Variants in ERBIN observed in about 807,000 individuals in gnomAD.
The protein encoded by ERBIN is erbb2 interacting protein.
In ERBIN, 60 loss-of-function variants were observed where a neutral mutation model predicts 158.4. The ratio of observed to expected loss-of-function variants is 0.38; its 90% CI spans 0.31 to 0.47. The LOEUF is 0.47. Among genes scored for constraint, ERBIN ranks in the 20% least tolerant of loss-of-function variants. The probability of loss-of-function intolerance (pLI) is 0.99; values close to 1 mark genes in which losing one functional copy is unlikely to be tolerated. For synonymous variants in ERBIN, 594 were observed against 557.2 expected (o/e 1.07, Z -0.93); for missense variants, 1,610 against 1,648.0 (o/e 0.98, Z 0.40).
At chr5:66,025,244 T>G in intron 10 of ERBIN, 1 of 473,994 alleles carries the variant, frequency 2.1e-6, no homozygotes. Context: ...TATCAGTATA[T>G]TTTAGTGGGA....
chr5:65,994,617 T>G (rs767562523), intron 3 of ERBIN, 130 bp from the exon 4 acceptor site: 6 of 568,026 alleles, frequency 1.1e-5, no homozygotes, highest in Non-Finnish European at 1.9e-5. Flanking sequence ...ACCAGAACAA[T>G]GAGGCATCTT....
chr5:66,043,891 T>G (rs2151204410), intron 16 of ERBIN, among the ~76,000 whole-genome samples: 1 of 152,324 alleles, frequency 6.6e-6, no homozygotes, highest in South Asian at 2.1e-4. Context: ...ACTATATATC[T>G]CTAAATGGAA....
At chr5:65,930,732 A>G (rs139009006) in intron 1 of ERBIN, among the ~76,000 whole-genome samples, 197 of 152,192 alleles carry the variant, frequency 1.3e-3, no homozygotes, top group Middle Eastern at 0.01. Flanking sequence ...AACCCTCTCT[A>G]CCTTCTTGTT....
intron 25 of ERBIN, among the ~76,000 whole-genome samples, chr5:66,077,747 C>T (rs1264443263): frequency 6.9e-6 from 1 of 145,494 alleles, no homozygotes; most frequent in Non-Finnish European, 1.5e-5. Context: ...TCTTTTTCTC[C>T]CTCCCTCCCT....
rs60768327 is a variant in ERBIN, at chr5:65,997,927, T to TACAC, written c.307+3081_307+3084dup. Among the ~76,000 whole-genome samples the TACAC allele has an allele frequency of 2.8e-3, 416 of 150,312 alleles. 2 individuals carry two copies. Among genetic ancestry groups the TACAC allele is most frequent in the African/African-American group, 7.5e-3 (307 of 41,048 alleles). ...AAAGCTAATTAACCAGGTGTCTGTC[T>TACAC]ACACACACACACACACACACAAAGT... On this transcript the variant is annotated intron_variant, in intron 4 of 25. Coordinates refer to ENST00000284037, the MANE Select transcript of ERBIN (RefSeq NM_001253697.2).
chr5:65,977,400 C>G (rs1316521496), intron 1 of ERBIN, among the ~76,000 whole-genome samples: 3 of 148,566 alleles, frequency 2.0e-5, no homozygotes. Context: ...ACTTCTCAGA[C>G]GGGGCGGCTG....
At chr5:66,078,358 A>G in intron 25 of ERBIN, 65 bp from the exon 26 acceptor site, 5 of 1,003,820 alleles carry the variant, frequency 5.0e-6, no homozygotes, top group Admixed American at 2.6e-5. Context: ...TTTGTGAACT[A>G]CTTGGCAGAA....
chr5:65,970,876 G>A (rs1255249396), intron 1 of ERBIN, among the ~76,000 whole-genome samples: 1 of 152,136 alleles, frequency 6.6e-6, no homozygotes, highest in Non-Finnish European at 1.5e-5. Flanking sequence ...TGGGCTGGGT[G>A]GCTATCATGT....
intron 4 of ERBIN, among the ~76,000 whole-genome samples, chr5:66,007,215 AATG>A (rs562968674): frequency 1.2e-3 from 179 of 152,338 alleles, no homozygotes; most frequent in African/African-American, 4.0e-3. Context: ...AGCCATAAAA[AATG>A]ATGAATTCAT....
At chr5:66,000,056 C>T (rs543640575) in intron 4 of ERBIN, among the ~76,000 whole-genome samples, 1 of 152,098 alleles carries the variant, frequency 6.6e-6, no homozygotes, top group African/African-American at 2.4e-5. Flanking sequence ...GAAGTCATCA[C>T]ATCTACCTTT....
intron 1 of ERBIN, among the ~76,000 whole-genome samples, chr5:65,947,892 A>G (rs534810648): frequency 1.3e-5 from 2 of 152,006 alleles, no homozygotes; most frequent in South Asian, 4.2e-4. Flanking sequence ...CTGTAATCCC[A>G]GCTACTCAGG....
intron 2 of ERBIN, among the ~76,000 whole-genome samples, chr5:65,991,790 CTTTA>C (rs1172831898): frequency 3.3e-5 from 5 of 152,144 alleles, no homozygotes; most frequent in East Asian, 1.9e-4. Flanking sequence ...GAAATCTGTT[CTTTA>C]TTTAAGCAAG....
At chr5:65,997,013 A>AT (rs199996125) in intron 4 of ERBIN, among the ~76,000 whole-genome samples, 6,086 of 152,092 alleles carry the variant, frequency 0.04, 410 homozygotes, top group African/African-American at 0.14. Context: ...TTCTAACAGT[A>AT]TTTTGGTTGG....
intron 1 of ERBIN, among the ~76,000 whole-genome samples, chr5:65,966,703 A>G (rs1485557859): frequency 6.7e-6 from 1 of 148,534 alleles, no homozygotes; most frequent in Non-Finnish European, 1.5e-5. Context: ...AAAAAAAAAA[A>G]AAAAAAGGTA....
At chr5:66,004,401 C>T (rs116662539) in intron 4 of ERBIN, among the ~76,000 whole-genome samples, 2,276 of 151,904 alleles carry the variant, frequency 0.015, 51 homozygotes, top group African/African-American at 0.052. Context: ...CGCGCGCGTG[C>T]GTGTGTGTAT....
chr5:65,947,814 C>G, intron 1 of ERBIN, among the ~76,000 whole-genome samples: 1 of 151,998 alleles, frequency 6.6e-6, no homozygotes, highest in Admixed American at 6.6e-5. Flanking sequence ...TGAAACCAAC[C>G]TGGCCAACAT....
chr5:66,044,340 C>T (rs1373199706), intron 17 of ERBIN, 30 bp downstream of exon 17: 5 of 1,553,714 alleles, frequency 3.2e-6, no homozygotes, highest in African/African-American at 1.4e-5. Flanking sequence ...TTAACCAAAG[C>T]CTATTTCAAG....
At chr5:66,049,246 G>A (rs1049203180) in intron 19 of ERBIN, among the ~76,000 whole-genome samples, 5 of 151,958 alleles carry the variant, frequency 3.3e-5, no homozygotes, top group African/African-American at 1.2e-4. Flanking sequence ...ACCTCTGCCA[G>A]CCATTCTTTC....
intron 1 of ERBIN, among the ~76,000 whole-genome samples, chr5:65,927,289 T>C (rs1467144283): frequency 1.3e-5 from 2 of 152,160 alleles, no homozygotes; most frequent in Non-Finnish European, 2.9e-5. Context: ...TATAGAGGTA[T>C]TTATTTTTAT....
Sources: gnomAD v4.1 joint callset for allele counts (sites outside exome capture counted in the v4.1 genomes callset) on GRCh38, gnomAD v4.1.1 for gene constraint, MANE v1.5 for transcripts, NCBI Gene and HGNC (gene_info 2026-07-23, HGNC 2026-07-21) for gene names.